Variants in PHC2 observed in about 807,000 individuals in gnomAD.
The protein encoded by PHC2 is polyhomeotic homolog 2.
A neutral mutation model predicts 87.4 loss-of-function variants in PHC2; 29 were observed. The ratio of observed to expected loss-of-function variants is 0.33; its 90% CI spans 0.25 to 0.45. The LOEUF (loss-of-function observed/expected upper bound fraction) is 0.45. Ranked by LOEUF, PHC2 falls within the 20% of genes least tolerant of loss-of-function variation. The probability of loss-of-function intolerance (pLI) is 1.00; values close to 1 mark genes in which losing one functional copy is unlikely to be tolerated. For synonymous variants in PHC2, 438 were observed against 461.7 expected (o/e 0.95, Z 0.66); for missense variants, 857 against 1,136.7 (o/e 0.75, Z 3.54).
At chr1:33,372,202 G>A (rs1233397142) in intron 3 of PHC2, 87 bp downstream of exon 3, 1 of 1,319,478 alleles carries the variant, frequency 7.6e-7, no homozygotes, top group Non-Finnish European at 1.0e-6. Context: ...AGGATGTGAA[G>A]CGCAGGTGCG....
Position 33,328,891 on chromosome 1 carries a change from C to T in PHC2, c.2404G>A (p.Glu802Lys). 1 of 1,609,480 alleles carries T rather than the reference C, an allele frequency of 6.2e-7. No homozygotes were observed. The change falls in exon 14 of 15, where the codon GAA (glutamate) becomes AAA (lysine). Residue 802 changes from glutamate (E) to lysine (K), a missense_variant. This residue lies in a region of PHC2 where 832 missense variants were observed against 1,081.8 expected (regional missense o/e 0.77). Coordinates refer to ENST00000683057, the MANE Select transcript of PHC2 (RefSeq NM_001385109.1). Reference sequence around the variant, plus strand: ...TTACCTGGCAGAGAGCGGATGAATTCGTAGACGTCTTCTACATTCCACTTG... The same window carrying T: ...TTACCTGGCAGAGAGCGGATGAATTTGTAGACGTCTTCTACATTCCACTTG... ...PTKWNVEDVYEFIRSLPGCQE... is the reference protein window; with the variant it reads ...PTKWNVEDVYKFIRSLPGCQE...
chr1:33,391,635 T>C (rs1360773037), intron 1 of PHC2, among the ~76,000 whole-genome samples: 1 of 148,302 alleles, frequency 6.7e-6, no homozygotes, highest in African/African-American at 2.6e-5. Flanking sequence ...TCATGCCTAA[T>C]ACTATTCCCT....
intron 1 of PHC2, among the ~76,000 whole-genome samples, chr1:33,417,230 C>T (rs1261527621): frequency 2.6e-5 from 4 of 151,824 alleles, no homozygotes; most frequent in Non-Finnish European, 5.9e-5. Context: ...AAAAAAGGAA[C>T]AAAGAACAGA....
chr1:33,361,372 C>G (rs1045225569), intron 7 of PHC2, among the ~76,000 whole-genome samples: 3 of 152,138 alleles, frequency 2.0e-5, no homozygotes, highest in Non-Finnish European at 4.4e-5. Context: ...TGGAGTTTCG[C>G]TCTTGACGCC....
chr1:33,327,476 G>A (rs916251995), intron 14 of PHC2, among the ~76,000 whole-genome samples: 13 of 152,124 alleles, frequency 8.5e-5, no homozygotes, highest in African/African-American at 2.9e-4. Flanking sequence ...TGAACTACAT[G>A]GCTTGTCTCT....
chr1:33,368,408 T>A lies in PHC2; in HGVS notation c.663+128A>T. On this transcript the variant is annotated intron_variant, in intron 6 of 14. Coordinates refer to ENST00000683057, the MANE Select transcript of PHC2 (RefSeq NM_001385109.1). The surrounding 1 kb of genome is among the most constrained non-coding windows in gnomAD (Gnocchi z 6.6). ...GGGTAGACGCGCAGGCCTGGGGGCA[T>A]TGGGGTGTCCTGTCTCCCGCCTGCT... The A allele has an allele frequency of 1.6e-6, 1 of 609,554 alleles. No individual in the cohort carries two copies. Among genetic ancestry groups the A allele is most frequent in the Non-Finnish European group, 2.9e-6 (1 of 345,812 alleles). The allele number at this position is 609,554 out of a possible 1,614,324, so 37.8% of individuals were successfully genotyped here. A position where few individuals can be genotyped will look rare whatever the true frequency, so the allele number is the denominator to read the frequency against.
At chr1:33,401,772 A>C (rs184455075) in intron 1 of PHC2, among the ~76,000 whole-genome samples, 40 of 152,354 alleles carry the variant, frequency 2.6e-4, no homozygotes, top group Admixed American at 2.6e-3. Context: ...AGGACTGGAC[A>C]TCTCATTAAA....
rs1646333962 is a variant in PHC2 at position 33,324,751 on chromosome 1, G to C, written c.*114C>G. Reference sequence around the variant, plus strand: ...GACCTCCTCACCAGCTATGCCCCTAGGGAGAGCCCCTGCCCTCCAACCGGC... The same window carrying C: ...GACCTCCTCACCAGCTATGCCCCTACGGAGAGCCCCTGCCCTCCAACCGGC... On this transcript the variant is annotated 3_prime_UTR_variant, in exon 15 of 15. Coordinates refer to ENST00000683057, the MANE Select transcript of PHC2 (RefSeq NM_001385109.1). 1 of 1,175,524 alleles carries C rather than the reference G, an allele frequency of 8.5e-7. No homozygotes were observed. Among genetic ancestry groups the C allele is most frequent in the African/African-American group, 1.5e-5 (1 of 65,478 alleles). 72.8% of individuals were successfully genotyped at this position (1,175,524 alleles called of 1,614,324 possible).
At chr1:33,415,158 G>A (rs1650152310) in intron 1 of PHC2, among the ~76,000 whole-genome samples, 1 of 152,204 alleles carries the variant, frequency 6.6e-6, no homozygotes, top group African/African-American at 2.4e-5. Flanking sequence ...GGAGGGCAAA[G>A]TGACTAGAAT....
chr1:33,428,519 T>C (rs1553191008), intron 1 of PHC2, among the ~76,000 whole-genome samples: 1 of 152,252 alleles, frequency 6.6e-6, no homozygotes, highest in Non-Finnish European at 1.5e-5. Context: ...GGCCTTTATC[T>C]GATTCAAATA....
chr1:33,336,376 T>G (rs1646636586), intron 9 of PHC2, among the ~76,000 whole-genome samples: 1 of 152,190 alleles, frequency 6.6e-6, no homozygotes, highest in Non-Finnish European at 1.5e-5. Context: ...ACTCATGTCT[T>G]TAGTACTCAG....
intron 7 of PHC2, among the ~76,000 whole-genome samples, chr1:33,366,761 T>A (rs564029977): frequency 2.6e-5 from 4 of 152,354 alleles, no homozygotes; most frequent in East Asian, 1.9e-4. Context: ...GGCTAGCCCC[T>A]GGCCTTTTTG....
intron 1 of PHC2, among the ~76,000 whole-genome samples, chr1:33,401,160 A>C (rs1649510035): frequency 6.6e-6 from 1 of 152,110 alleles, no homozygotes; most frequent in African/African-American, 2.4e-5. Flanking sequence ...CCCCGTCTCC[A>C]CTAAAAATAC....
Position 33,349,937 on chromosome 1 carries a change from G to A in PHC2, c.1558+4464C>T. 2.4e-6 allele frequency: 2 copies of A among 837,786 alleles called. No individual in the cohort carries two copies. The highest frequency in any genetic ancestry group is 6.0e-4 in the Middle Eastern group (1 of 1,660). The allele number at this position is 837,786 out of a possible 1,614,324, so 51.9% of individuals were successfully genotyped here. A position where few individuals can be genotyped will look rare whatever the true frequency, so the allele number is the denominator to read the frequency against. ...ACGGCTCCCGCGGCCGCCTCCGCCG[G>A]GGGCGGGGCGAGGGAGCGGGGCGGG... On this transcript the variant is annotated intron_variant, in intron 9 of 14. Transcript: ENST00000683057. The surrounding 1 kb of genome is among the most constrained non-coding windows in gnomAD (Gnocchi z 4.2).
At chr1:33,357,181 G>A (rs957775582) in intron 7 of PHC2, among the ~76,000 whole-genome samples, 58 of 152,176 alleles carry the variant, frequency 3.8e-4, no homozygotes, top group African/African-American at 1.3e-3. Context: ...ACAGCTGGAG[G>A]CCCGCAAATG....
rs1289048522 is a variant in PHC2, at chr1:33,331,730, G to A, written c.1892-268C>T. 2 of 391,636 alleles carry A rather than the reference G, an allele frequency of 5.1e-6. No homozygotes were observed. Among genetic ancestry groups the A allele is most frequent in the Non-Finnish European group, 9.2e-6 (2 of 218,376 alleles). 24.3% of individuals were successfully genotyped at this position (391,636 alleles called of 1,614,324 possible). ...GCAAAACACAGGTGGGGAAGAATCA[G>A]CATCAAATGACTGTGGAAGAAAGCA... On this transcript the variant is annotated intron_variant, in intron 11 of 14. Coordinates refer to ENST00000683057, the MANE Select transcript of PHC2 (RefSeq NM_001385109.1). The surrounding 1 kb of genome is among the most constrained non-coding windows in gnomAD (Gnocchi z 5.2).
intron 1 of PHC2, among the ~76,000 whole-genome samples, chr1:33,401,325 C>CAA (rs1225077600): frequency 7.0e-6 from 1 of 143,810 alleles, no homozygotes. Context: ...GACTCCGTCT[C>CAA]AAAAAAAAAA....
intron 2 of PHC2, among the ~76,000 whole-genome samples, chr1:33,375,066 T>C (rs1648090416): frequency 6.6e-6 from 1 of 152,200 alleles, no homozygotes; most frequent in Non-Finnish European, 1.5e-5. Flanking sequence ...CACCGGGCAA[T>C]GGTCATTTAG....
chr1:33,418,821 T>C (rs1356335232), intron 1 of PHC2, among the ~76,000 whole-genome samples: 4 of 152,156 alleles, frequency 2.6e-5, no homozygotes, highest in East Asian at 1.9e-4. Context: ...GGCTACCTAA[T>C]GGAAAAGGGT....
Sources: allele counts gnomAD v4.1 joint callset (sites outside exome capture counted in the v4.1 genomes callset), GRCh38; gene constraint gnomAD v4.1.1; regional missense constraint gnomAD v4.1.1; non-coding constraint Gnocchi (gnomAD v3.1); transcripts MANE v1.5; gene names NCBI Gene and HGNC (gene_info 2026-07-23, HGNC 2026-07-21).